The following FYN variants were observed in gnomAD, a reference collection of about 807,000 sequenced individuals.
FYN encodes the protein FYN proto-oncogene, Src family tyrosine kinase.
A neutral mutation model predicts 70.2 loss-of-function variants in FYN; 10 were observed. That is an observed-to-expected ratio of 0.14 (90% CI 0.09 to 0.24). The LOEUF (loss-of-function observed/expected upper bound fraction) is 0.24. Among genes scored for constraint, FYN ranks in the 10% least tolerant of loss-of-function variants. The pLI, the probability that FYN is intolerant of heterozygous loss-of-function variation, is 1.00. For missense variants in FYN, 319 were observed against 673.1 expected, an observed-to-expected ratio of 0.47 and a Z score of 5.82; for synonymous variants, 236 against 248.6, an observed-to-expected ratio of 0.95 and a Z score of 0.48.
chr6:111,866,904 C>T (rs1377180379), intron 1 of FYN, among the ~76,000 whole-genome samples: 2 of 152,170 alleles, frequency 1.3e-5, no homozygotes, highest in Non-Finnish European at 2.9e-5. Context: ...TTCTAGACTT[C>T]TCCCCCTCTA....
chr6:111,782,962 C>T (rs1434251601), intron 2 of FYN, among the ~76,000 whole-genome samples: 1 of 152,128 alleles, frequency 6.6e-6, no homozygotes, highest in Non-Finnish European at 1.5e-5. Flanking sequence ...CACATGAGGT[C>T]CAGGACAGCA....
intron 3 of FYN, among the ~76,000 whole-genome samples, chr6:111,779,673 G>A (rs941586747): frequency 1.3e-5 from 2 of 152,174 alleles, no homozygotes; most frequent in Admixed American, 6.5e-5. Context: ...GAATATTGGA[G>A]GAGGGGTTGT....
At chr6:111,725,025 A>G (rs1236188760) in intron 3 of FYN, among the ~76,000 whole-genome samples, 1 of 152,222 alleles carries the variant, frequency 6.6e-6, no homozygotes, top group Non-Finnish European at 1.5e-5. Flanking sequence ...AAGCTTATCA[A>G]GCAAACACAC....
intron 3 of FYN, among the ~76,000 whole-genome samples, chr6:111,772,106 A>C (rs1720523753): frequency 6.6e-6 from 1 of 152,146 alleles, no homozygotes; most frequent in South Asian, 2.1e-4. Context: ...AAAGTGAAAA[A>C]TGTTCTACAC....
At chr6:111,673,647 A>C (rs1798408354) in intron 13 of FYN, among the ~76,000 whole-genome samples, 2 of 48,790 alleles carry the variant, frequency 4.1e-5, no homozygotes, top group African/African-American at 1.3e-4. Flanking sequence ...TTTTTCTTTA[A>C]GCTCCTTTCT....
At chr6:111,677,375 T>A (rs1798577446) in intron 12 of FYN, among the ~76,000 whole-genome samples, 1 of 152,242 alleles carries the variant, frequency 6.6e-6, no homozygotes, top group Non-Finnish European at 1.5e-5. Context: ...TAATCCCTGC[T>A]TCCTCTTGGA....
intron 1 of FYN, among the ~76,000 whole-genome samples, chr6:111,852,989 C>T (rs1001772582): frequency 6.6e-6 from 1 of 152,204 alleles, no homozygotes; most frequent in African/African-American, 2.4e-5. Flanking sequence ...CAAGGTTTCA[C>T]AACTGTGACT....
At chr6:111,828,378 A>T (rs1296076400) in intron 2 of FYN, among the ~76,000 whole-genome samples, 1 of 152,210 alleles carries the variant, frequency 6.6e-6, no homozygotes, top group Non-Finnish European at 1.5e-5. Context: ...AAATAAAATT[A>T]CCATAGGATC....
intron 3 of FYN, among the ~76,000 whole-genome samples, chr6:111,734,124 A>G (rs1047960287): frequency 6.6e-6 from 1 of 152,146 alleles, no homozygotes; most frequent in Non-Finnish European, 1.5e-5. Flanking sequence ...AAACAAAAAA[A>G]TGTGAGCTTC....
intron 1 of FYN, among the ~76,000 whole-genome samples, chr6:111,870,134 G>A (rs1180525437): frequency 6.6e-6 from 1 of 152,176 alleles, no homozygotes; most frequent in Non-Finnish European, 1.5e-5. Context: ...AGGCTCCCTT[G>A]CAATTAAATG....
chr6:111,704,565 C>A (rs575647451), intron 6 of FYN, among the ~76,000 whole-genome samples: 1 of 151,312 alleles, frequency 6.6e-6, no homozygotes, highest in South Asian at 2.1e-4. Flanking sequence ...ATCAGCCTGG[C>A]CAACATGGTG....
intron 3 of FYN, among the ~76,000 whole-genome samples, chr6:111,766,495 C>A (rs578056733): frequency 2.2e-4 from 33 of 152,336 alleles, no homozygotes; most frequent in African/African-American, 7.9e-4. Flanking sequence ...CATATGTAAA[C>A]CAGCTCTTGC....
chr6:111,681,586 T>C (rs115751081), intron 12 of FYN, among the ~76,000 whole-genome samples: 3,670 of 152,270 alleles, frequency 0.024, 139 homozygotes, highest in African/African-American at 0.084. Context: ...GCTCTCTTTC[T>C]CTTCACCTGC....
At chr6:111,712,646 G>T (rs1800437739) in intron 5 of FYN, among the ~76,000 whole-genome samples, 1 of 152,218 alleles carries the variant, frequency 6.6e-6, no homozygotes, top group South Asian at 2.1e-4. Flanking sequence ...GCATACCTCA[G>T]ACAGTAGTGG....
intron 12 of FYN, among the ~76,000 whole-genome samples, chr6:111,692,192 G>A (rs1057170905): frequency 1.3e-5 from 2 of 151,974 alleles, no homozygotes; most frequent in Non-Finnish European, 2.9e-5. Context: ...TTGGGAAAGG[G>A]AGGAAAGAAG....
chr6:111,713,676 A>G (rs1800492041), intron 5 of FYN, among the ~76,000 whole-genome samples: 1 of 152,190 alleles, frequency 6.6e-6, no homozygotes, highest in African/African-American at 2.4e-5. Flanking sequence ...TTATGGAGGT[A>G]CTGAATGTAG....
chr6:111,700,612 T>C (rs1799789915), intron 8 of FYN, among the ~76,000 whole-genome samples: 1 of 152,240 alleles, frequency 6.6e-6, no homozygotes, highest in Non-Finnish European at 1.5e-5. Flanking sequence ...TTGGTTTCTG[T>C]ACTCACTGAG....
At chr6:111,734,483 T>G (rs1295043402) in intron 3 of FYN, among the ~76,000 whole-genome samples, 1 of 152,196 alleles carries the variant, frequency 6.6e-6, no homozygotes, top group Non-Finnish European at 1.5e-5. Context: ...TGTCCTCCAC[T>G]TTCCTTTGTT....
intron 1 of FYN, among the ~76,000 whole-genome samples, chr6:111,867,191 G>T (rs1472581829): frequency 6.6e-6 from 1 of 152,002 alleles, no homozygotes; most frequent in East Asian, 1.9e-4. Context: ...CCTAGTCCTG[G>T]CTGGGAGCAG....
Sources: allele counts gnomAD v4.1 joint callset (sites outside exome capture counted in the v4.1 genomes callset), GRCh38; gene constraint gnomAD v4.1.1; transcripts MANE v1.5; gene names NCBI Gene and HGNC (gene_info 2026-07-23, HGNC 2026-07-21).